The following ATP6V0E1 variants were observed in gnomAD, a reference collection of about 807,000 sequenced individuals.
ATP6V0E1 encodes the protein V-type proton ATPase subunit e 1.
In ATP6V0E1, 4 loss-of-function variants were observed where a neutral mutation model predicts 11.6. That is an observed-to-expected ratio of 0.35 (90% confidence interval 0.17 to 0.79). The LOEUF is 0.79. ATP6V0E1 is among the 30% of genes least tolerant of loss of function. ATP6V0E1 has a pLI of 0.54. For missense variants in ATP6V0E1, 105 were observed against 100.0 expected, an observed-to-expected ratio of 1.05 and a Z score of -0.21; for synonymous variants, 36 against 34.8, an observed-to-expected ratio of 1.04 and a Z score of -0.13.
chr5:173,009,453 T>TC lies in ATP6V0E1; in HGVS notation c.153-10782dup, dbSNP rs1258550130. Among the ~76,000 whole-genome samples, 8 of 137,432 alleles carry TC rather than the reference T, an allele frequency of 5.8e-5. No individual in the cohort carries two copies. In the South Asian group the frequency reaches 1.8e-3, roughly 32 times the overall value. 90.2% of individuals were successfully genotyped at this position (137,432 alleles called of 152,430 possible). A position where few individuals can be genotyped will look rare whatever the true frequency, so the allele number is the denominator to read the frequency against. On this transcript the variant is annotated intron_variant, in intron 2 of 3. Coordinates refer to ENST00000519374, the MANE Select transcript of ATP6V0E1 (RefSeq NM_003945.4). The stretch of plus-strand genomic sequence containing the variant: ...GTCACATTCACTCAGGATAGCCACT[T>TC]CCCTTTTTTTTTTTTTTTTTTTTTT...
intron 1 of ATP6V0E1, among the ~76,000 whole-genome samples, chr5:172,989,780 G>C (rs1391895146): frequency 6.6e-6 from 1 of 152,032 alleles, no homozygotes; most frequent in Non-Finnish European, 1.5e-5. Context: ...CACCCACCTT[G>C]GCCTCCCAAA....
At chr5:172,990,621 G>T (rs1171166224) in intron 1 of ATP6V0E1, among the ~76,000 whole-genome samples, 1 of 152,052 alleles carries the variant, frequency 6.6e-6, no homozygotes, top group Non-Finnish European at 1.5e-5. Flanking sequence ...TTGGTCGGGA[G>T]TTCAAGACCA....
intron 2 of ATP6V0E1, among the ~76,000 whole-genome samples, chr5:173,004,242 C>G (rs1189308944): frequency 6.6e-6 from 1 of 152,108 alleles, no homozygotes; most frequent in Non-Finnish European, 1.5e-5. Flanking sequence ...ACTTCATTTG[C>G]CTAAGGACAT....
chr5:173,021,095 G>A (rs1756476527), intron 3 of ATP6V0E1, among the ~76,000 whole-genome samples: 1 of 152,100 alleles, frequency 6.6e-6, no homozygotes, highest in African/African-American at 2.4e-5. Flanking sequence ...TTCTGGTGAG[G>A]CCTCAGGAGG....
chr5:173,008,277 T>C lies in ATP6V0E1; in HGVS notation c.153-11961T>C, dbSNP rs1581630169. Reference sequence around the variant, plus strand: ...CAAATGTCTTTGTAAGGGAGAGTCCTGTTCCTTTTTTTTTCTTTTCTTTTC... The same window carrying C: ...CAAATGTCTTTGTAAGGGAGAGTCCCGTTCCTTTTTTTTTCTTTTCTTTTC... On this transcript the variant is annotated intron_variant, in intron 2 of 3. Coordinates refer to ENST00000519374, the MANE Select transcript of ATP6V0E1 (RefSeq NM_003945.4). Among the ~76,000 whole-genome samples the C allele has an allele frequency of 2.0e-5, 3 of 151,848 alleles. No individual in the cohort carries two copies. The East Asian group carries it at 5.9e-4, about 30-fold the overall frequency.
chr5:173,012,247 G>T (rs1756336959), intron 2 of ATP6V0E1, among the ~76,000 whole-genome samples: 2 of 151,714 alleles, frequency 1.3e-5, no homozygotes, highest in South Asian at 4.2e-4. Flanking sequence ...GGCCAGGCTG[G>T]TCTTGGACTC....
intron 3 of ATP6V0E1, among the ~76,000 whole-genome samples, chr5:173,031,303 C>T (rs1181092850): frequency 1.3e-5 from 2 of 151,302 alleles, no homozygotes; most frequent in African/African-American, 4.9e-5. Flanking sequence ...AGGCTGTTCT[C>T]GAACTCCTGA....
intron 3 of ATP6V0E1, among the ~76,000 whole-genome samples, chr5:173,032,254 TTTATTTATTTATTTATTTA>T (rs1341922426): frequency 1.4e-3 from 123 of 89,360 alleles, no homozygotes; most frequent in African/African-American, 3.8e-3. Context: ...TTTTATTTTA[TTTATTTATTTATTTATTTA>T]TTTATTTATT....
intron 3 of ATP6V0E1, among the ~76,000 whole-genome samples, chr5:173,031,134 C>T (rs1425748114): frequency 9.9e-5 from 15 of 151,768 alleles, no homozygotes; most frequent in East Asian, 2.0e-4. Flanking sequence ...TTATTTGAGA[C>T]GGGGTTTCAC....
At chr5:172,989,251 A>T (rs556879528) in intron 1 of ATP6V0E1, among the ~76,000 whole-genome samples, 144 of 152,122 alleles carry the variant, frequency 9.5e-4, no homozygotes, top group Non-Finnish European at 1.8e-3. Context: ...GGGTGGGTGG[A>T]TTGTTTGAGC....
chr5:172,985,196 G>C (rs1755876794), intron 1 of ATP6V0E1, among the ~76,000 whole-genome samples: 1 of 145,930 alleles, frequency 6.9e-6, no homozygotes, highest in South Asian at 2.1e-4. Flanking sequence ...AGTGAGCCGA[G>C]ATCGCGCCAC....
intron 2 of ATP6V0E1, among the ~76,000 whole-genome samples, chr5:173,017,351 T>C (rs1416478415): frequency 1.4e-5 from 2 of 147,978 alleles, no homozygotes; most frequent in Admixed American, 6.8e-5. Context: ...CTTGCCAACA[T>C]GGTGAAACCC....
chr5:172,988,471 G>A (rs1755931075), intron 1 of ATP6V0E1, among the ~76,000 whole-genome samples: 1 of 151,976 alleles, frequency 6.6e-6, no homozygotes, highest in Admixed American at 6.6e-5. Flanking sequence ...AGGCTTTTCT[G>A]TAGGGATTTT....
Position 173,006,904 on chromosome 5 carries a change from A to G in ATP6V0E1, c.152+12082A>G, listed in dbSNP as rs772866259. 5.3e-5 allele frequency among the ~76,000 whole-genome samples: 8 copies of G among 152,210 alleles called. No individual in the cohort carries two copies. In the East Asian group the frequency reaches 5.8e-4, roughly 11 times the overall value. ...GAAATCTAGGCAGCTGGCCCAGCAT[A>G]TTACTTGCTATATGGAAAAGTTTAT... On this transcript the variant is annotated intron_variant, in intron 2 of 3. Transcript: ENST00000519374.
At chr5:172,996,234 G>A (rs926070249) in intron 2 of ATP6V0E1, among the ~76,000 whole-genome samples, 6 of 152,148 alleles carry the variant, frequency 3.9e-5, no homozygotes, top group African/African-American at 7.2e-5. Flanking sequence ...GAGAAAATGT[G>A]GACACAAGCA....
chr5:173,012,527 C>CAG (rs915013173), intron 2 of ATP6V0E1, among the ~76,000 whole-genome samples: 1 of 150,644 alleles, frequency 6.6e-6, no homozygotes, highest in African/African-American at 2.4e-5. Flanking sequence ...CCAAGGCGGG[C>CAG]AGATCACCTG....
intron 2 of ATP6V0E1, among the ~76,000 whole-genome samples, chr5:173,014,549 A>G (rs1032880569): frequency 6.6e-6 from 1 of 152,212 alleles, no homozygotes; most frequent in African/African-American, 2.4e-5. Context: ...TAAAAAAAGA[A>G]TGAAATCATG....
chr5:172,990,738 A>C (rs1377779648), intron 1 of ATP6V0E1, among the ~76,000 whole-genome samples: 1 of 151,414 alleles, frequency 6.6e-6, no homozygotes. Context: ...GAGGCAGGAG[A>C]ATTGCTTGAG....
At chr5:172,995,135 G>A (rs929853228) in intron 2 of ATP6V0E1, among the ~76,000 whole-genome samples, 10 of 152,112 alleles carry the variant, frequency 6.6e-5, no homozygotes, top group South Asian at 2.1e-4. Context: ...ACAAGGTCCC[G>A]CTCTGTCGCC....
Sources: allele counts gnomAD v4.1 joint callset (sites outside exome capture counted in the v4.1 genomes callset), GRCh38; gene constraint gnomAD v4.1.1; transcripts MANE v1.5; gene names NCBI Gene and HGNC (gene_info 2026-07-23, HGNC 2026-07-21).